The following AKAP8L variants were observed in gnomAD, a reference collection of about 807,000 sequenced individuals.
The protein encoded by AKAP8L is A-kinase anchor protein 8-like.
A neutral mutation model predicts 77.5 loss-of-function variants in AKAP8L; 34 were observed. The observed-to-expected ratio is 0.44, with a 90% confidence interval of 0.33 to 0.58. The LOEUF is 0.58. Ranked by LOEUF, AKAP8L falls within the 20% of genes least tolerant of loss-of-function variation. AKAP8L has a pLI of 0.02. For synonymous variants in AKAP8L, 342 were observed against 340.7 expected (o/e 1.00, Z -0.04); for missense variants, 806 against 887.6 (o/e 0.91, Z 1.17).
At chr19:15,416,213 A>G (rs1245077567) in intron 1 of AKAP8L, among the ~76,000 whole-genome samples, 4 of 152,254 alleles carry the variant, frequency 2.6e-5, no homozygotes, top group East Asian at 1.9e-4. Context: ...GTTGCCTTCA[A>G]TCTTTATTAT....
chr19:15,404,242 G>T lies in AKAP8L; in HGVS notation c.89-200C>A, dbSNP rs1280567401. The T allele has an allele frequency of 2.4e-4, 144 of 589,420 alleles. 2 individuals carry two copies. Among genetic ancestry groups the T allele is most frequent in the Non-Finnish European group, 3.3e-5 (11 of 332,720 alleles). 36.5% of individuals were successfully genotyped at this position (589,420 alleles called of 1,614,324 possible). On this transcript the variant is annotated intron_variant, in intron 2 of 13. Transcript: ENST00000397410. Reference sequence around the variant, plus strand: ...GGTGCCTGGCTGCCTGTGGCTCTGAGCATCTGTTATTTAAGGATCCTTCTG... The same window carrying T: ...GGTGCCTGGCTGCCTGTGGCTCTGATCATCTGTTATTTAAGGATCCTTCTG...
chr19:15,399,157 G>A lies in AKAP8L; in HGVS notation c.1157+145C>T, dbSNP rs527723050. ...TCAGGCCTTGGGAGCTGGGCCTGGC[G>A]GGAAGCAGGGTCCATGCACGGCCGA... On this transcript the variant is annotated intron_variant, in intron 9 of 13. Coordinates refer to ENST00000397410, the MANE Select transcript of AKAP8L (RefSeq NM_014371.4). The surrounding 1 kb of genome is among the most constrained non-coding windows in gnomAD (Gnocchi z 6.1). 5 of 713,120 alleles carry A rather than the reference G, an allele frequency of 7.0e-6. No individual in the cohort carries two copies. Among genetic ancestry groups the A allele is most frequent in the African/African-American group, 3.5e-5 (2 of 56,942 alleles). The allele number at this position is 713,120 out of a possible 1,614,324, so 44.2% of individuals were successfully genotyped here.
chr19:15,381,084 C>T (rs1470988090), intron 12 of AKAP8L: 1 of 159,502 alleles, frequency 6.3e-6, no homozygotes, highest in Non-Finnish European at 1.4e-5. Flanking sequence ...TATTCCCAGT[C>T]ATGCAAGGGT....
chr19:15,394,789 TAAC>T (rs768268057), intron 12 of AKAP8L, among the ~76,000 whole-genome samples: 2 of 152,200 alleles, frequency 1.3e-5, no homozygotes, highest in Non-Finnish European at 2.9e-5. Context: ...TTACCAAAGA[TAAC>T]AATAATTAGA....
intron 1 of AKAP8L, 78 bp downstream of exon 1, chr19:15,418,833 C>G: frequency 5.5e-6 from 8 of 1,463,040 alleles, no homozygotes; most frequent in East Asian, 2.4e-5. Context: ...AGGGGAGGTG[C>G]GGGCAAGCCT....
Position 15,397,578 on chromosome 19 carries a change from G to A in AKAP8L, c.1347C>T (p.Thr449=), listed in dbSNP as rs749776315. 9 of 1,613,740 alleles carry A rather than the reference G, an allele frequency of 5.6e-6. No individual in the cohort carries two copies. The highest frequency in any genetic ancestry group is 1.1e-5 in the South Asian group (1 of 91,058). The change falls in exon 11 of 14, where the codon ACC becomes ACT. Residue 449 remains threonine, a synonymous_variant. Transcript: ENST00000397410. The surrounding 1 kb of genome is among the most constrained non-coding windows in gnomAD (Gnocchi z 4.7). ...GGATGAGGCCATCAAGGTCCTCCACGGTTTTTCGGAGCTCCTCTGTCTTCT... is the reference window on the plus strand; with the variant it reads ...GGATGAGGCCATCAAGGTCCTCCACAGTTTTTCGGAGCTCCTCTGTCTTCT... ...KTKKTEELRK[T]VEDLDGLIQQ...
chr19:15,401,562 C>T lies in AKAP8L; in HGVS notation c.404G>A (p.Ser135Asn). The change falls in exon 5 of 14, where the codon AGT (serine) becomes AAT (asparagine). Residue 135 changes from serine (S) to asparagine (N), a missense_variant. Physicochemically the swap from Ser to Asn is conservative, Grantham distance 46 (BLOSUM62 1). Around this residue, in one of 2 missense-constraint regions of AKAP8L, gnomAD observed 580 missense variants for 694.1 expected, o/e 0.84. Transcript: ENST00000397410. This position sits in a 1 kb window ranked among gnomAD's most constrained non-coding sequence, Gnocchi z 6.2. ...GCCTGACCGGTACAGGTCGCGCTCA[C>T]TCAGGACGGCCCTCGAGTCGCAGGA... ...YESCDSRAVL[S>N]ERDLYRSGYD... 6.2e-7 allele frequency: 1 copy of T among 1,612,096 alleles called. No individual in the cohort carries two copies. Among genetic ancestry groups the T allele is most frequent in the Non-Finnish European group, 8.5e-7 (1 of 1,179,320 alleles).
intron 12 of AKAP8L, among the ~76,000 whole-genome samples, chr19:15,392,291 T>A (rs934768825): frequency 1.3e-5 from 2 of 150,438 alleles, no homozygotes; most frequent in Admixed American, 1.3e-4. Flanking sequence ...AGCCCAGGAG[T>A]TTGAGACCAG....
chr19:15,393,349 A>C (rs80015961), intron 12 of AKAP8L, among the ~76,000 whole-genome samples: 82 of 152,342 alleles, frequency 5.4e-4, no homozygotes, highest in Admixed American at 9.8e-4. Context: ...ATAAAAATTA[A>C]AACTATTGTG....
chr19:15,394,532 G>GT (rs963783000), intron 12 of AKAP8L, among the ~76,000 whole-genome samples: 67 of 149,016 alleles, frequency 4.5e-4, no homozygotes, highest in East Asian at 1.8e-3. Flanking sequence ...CAATGAATTG[G>GT]TTTTTTTTTT....
At chr19:15,411,463 C>CAA (rs374029817) in intron 1 of AKAP8L, among the ~76,000 whole-genome samples, 4 of 104,222 alleles carry the variant, frequency 3.8e-5, no homozygotes, top group Non-Finnish European at 6.2e-5. Flanking sequence ...CCTGTCTCTA[C>CAA]AAAAAAAAAA....
intron 12 of AKAP8L, among the ~76,000 whole-genome samples, chr19:15,395,315 GT>G (rs995576603): frequency 6.6e-6 from 1 of 150,816 alleles, no homozygotes. Context: ...CATTGTTTTG[GT>G]TTTTTTGTTT....
At chr19:15,384,680 T>G (rs1176465329) in intron 12 of AKAP8L, among the ~76,000 whole-genome samples, 7 of 152,216 alleles carry the variant, frequency 4.6e-5, no homozygotes, top group Admixed American at 4.6e-4. Flanking sequence ...TTTTTCCATT[T>G]AAATTTCTAA....
chr19:15,409,883 A>T (rs1968074314), intron 2 of AKAP8L, among the ~76,000 whole-genome samples: 1 of 151,958 alleles, frequency 6.6e-6, no homozygotes, highest in South Asian at 2.1e-4. Flanking sequence ...TCTCTCCCAC[A>T]GCAAGGACAT....
At chr19:15,382,974 C>A (rs1967450332) in intron 12 of AKAP8L, among the ~76,000 whole-genome samples, 1 of 152,120 alleles carries the variant, frequency 6.6e-6, no homozygotes, top group Non-Finnish European at 1.5e-5. Context: ...CAAAACACAC[C>A]ATTTATTTCC....
intron 12 of AKAP8L, among the ~76,000 whole-genome samples, chr19:15,391,234 G>A (rs1032427323): frequency 6.6e-6 from 1 of 152,032 alleles, no homozygotes; most frequent in Admixed American, 6.6e-5. Context: ...GCCGAGGCGG[G>A]TGGATCATGA....
chr19:15,399,743 G>A lies in AKAP8L; in HGVS notation c.1049-333C>T. ...CATGTTCAGAGGGGCCAGGTGGTGG[G>A]ATGCAGGGAGGCTGCTCACATGGCC... On this transcript the variant is annotated intron_variant, in intron 8 of 13. Transcript: ENST00000397410. The surrounding 1 kb of genome is among the most constrained non-coding windows in gnomAD (Gnocchi z 6.1). 5.4e-6 allele frequency: 2 copies of A among 368,894 alleles called. No individual in the cohort carries two copies. The highest frequency in any genetic ancestry group is 1.0e-5 in the Non-Finnish European group (2 of 196,576). 22.9% of individuals were successfully genotyped at this position (368,894 alleles called of 1,614,324 possible). A position where few individuals can be genotyped will look rare whatever the true frequency, so the allele number is the denominator to read the frequency against.
In AKAP8L at chr19:15,403,325, G is replaced by A. The variant is rs1967934802; in HGVS notation, c.362+150C>T. ...GAGAGGAGACACAAGTCAGAGACGG[G>A]AAGTGCAACGGACCCTGCTGGGAGC... On this transcript the variant is annotated intron_variant, in intron 4 of 13. Transcript: ENST00000397410. This position sits in a 1 kb window ranked among gnomAD's most constrained non-coding sequence, Gnocchi z 4.3. The A allele has an allele frequency of 1.4e-6, 1 of 702,670 alleles. No individual in the cohort carries two copies. Among genetic ancestry groups the A allele is most frequent in the Admixed American group, 2.4e-5 (1 of 41,418 alleles). 43.5% of individuals were successfully genotyped at this position (702,670 alleles called of 1,614,324 possible).
chr19:15,380,673 C>G (rs1442488350), intron 12 of AKAP8L, 61 bp from the exon 13 acceptor site: 4 of 1,548,978 alleles, frequency 2.6e-6, no homozygotes, highest in Non-Finnish European at 3.5e-6. Flanking sequence ...GTTGCTGCCC[C>G]GACCCTGCCA....
Sources: gnomAD v4.1 joint callset for allele counts (sites outside exome capture counted in the v4.1 genomes callset) on GRCh38, gnomAD v4.1.1 for gene constraint, gnomAD v4.1.1 regional missense constraint, Gnocchi (gnomAD v3.1) non-coding constraint, MANE v1.5 for transcripts, NCBI Gene and HGNC (gene_info 2026-07-23, HGNC 2026-07-21) for gene names.